Variants in MRE11 observed in about 807,000 individuals in gnomAD.
MRE11 encodes double-strand break repair protein MRE11.
Under a neutral mutation model 91.7 loss-of-function variants are expected in MRE11, and 62 were observed. That is an observed-to-expected ratio of 0.68 (90% CI 0.55 to 0.84). MRE11 has a LOEUF of 0.84. Ranked by LOEUF, MRE11 falls within the 40% of genes least tolerant of loss-of-function variation. The probability of loss-of-function intolerance (pLI) is 0.00; values close to 1 mark genes in which losing one functional copy is unlikely to be tolerated. For synonymous variants in MRE11, 273 were observed against 271.4 expected (o/e 1.01, Z -0.06); for missense variants, 796 against 852.9 (o/e 0.93, Z 0.83).
intron 4 of MRE11, among the ~76,000 whole-genome samples, chr11:94,485,014 C>A (rs1947102854): frequency 6.6e-6 from 1 of 152,174 alleles, no homozygotes; most frequent in South Asian, 2.1e-4. Context: ...GAGTTCAAGA[C>A]CAGCCTGGCC....
intron 2 of MRE11, among the ~76,000 whole-genome samples, chr11:94,491,527 G>T (rs1947282202): frequency 6.6e-6 from 1 of 152,172 alleles, no homozygotes; most frequent in Non-Finnish European, 1.5e-5. Flanking sequence ...TTAATGTGAA[G>T]TAGCAATGTA....
intron 19 of MRE11, among the ~76,000 whole-genome samples, chr11:94,429,092 T>C (rs575365690): frequency 6.6e-6 from 1 of 152,238 alleles, no homozygotes; most frequent in African/African-American, 2.4e-5. Context: ...AAACAAAAAG[T>C]GCTTATCATC....
intron 19 of MRE11, among the ~76,000 whole-genome samples, chr11:94,428,933 C>T (rs1945393898): frequency 6.6e-6 from 1 of 150,530 alleles, no homozygotes; most frequent in Non-Finnish European, 1.5e-5. Flanking sequence ...AAAATATTCA[C>T]AAAATACGTA....
At chr11:94,444,316 G>A (rs1263871203) in intron 16 of MRE11, among the ~76,000 whole-genome samples, 1 of 152,074 alleles carries the variant, frequency 6.6e-6, no homozygotes, top group African/African-American at 2.4e-5. Flanking sequence ...GCATGTTATG[G>A]CCAATTTAGT....
At position 94,471,768 on chromosome 11, in the gene MRE11, A is replaced by G; in HGVS notation, c.660-9T>C. The G allele has an allele frequency of 6.2e-7, 1 of 1,604,550 alleles. No homozygotes were observed. The highest frequency in any genetic ancestry group is 8.5e-7 in the Non-Finnish European group (1 of 1,173,440). On this transcript the variant is annotated splice_polypyrimidine_tract_variant and intron_variant, in intron 7 of 19. Transcript: ENST00000323929. ...TACTTCCATGTTTACTCCTGTATCA[A>G]GATTTTGAAAAATATAAATTCGGTG...
chr11:94,473,201 G>C (rs928009746), intron 7 of MRE11: 1 of 152,100 alleles, frequency 6.6e-6, no homozygotes, highest in Non-Finnish European at 1.5e-5. Context: ...AGAATATACA[G>C]GCTTGTGTAT....
At chr11:94,423,948 C>T (rs663530) in intron 19 of MRE11, among the ~76,000 whole-genome samples, 35,905 of 152,112 alleles carry the variant, frequency 0.24, 4,427 homozygotes, top group East Asian at 0.32. Context: ...CCTTCCTCCA[C>T]AGTGCTGGTC....
intron 11 of MRE11, among the ~76,000 whole-genome samples, chr11:94,463,635 C>T (rs1179587441): frequency 2.6e-5 from 4 of 152,082 alleles, no homozygotes; most frequent in Admixed American, 6.5e-5. Flanking sequence ...TTTGTAGGGA[C>T]ATGGATGAAG....
chr11:94,508,539 A>ACACACACTAC, the MRE11 span, among the ~76,000 whole-genome samples: 1 of 152,212 alleles, frequency 6.6e-6, no homozygotes, highest in Non-Finnish European at 1.5e-5. Context: ...ACACAAACAC[A>ACACACACTAC]CACACACTAC....
the MRE11 span, among the ~76,000 whole-genome samples, chr11:94,511,979 T>G: frequency 5.3e-5 from 8 of 152,376 alleles, no homozygotes; most frequent in East Asian, 1.5e-3. Flanking sequence ...AACGTGAAAG[T>G]TGGGAATCCT....
At chr11:94,476,263 C>G (rs1321173154) in intron 7 of MRE11, 26 bp downstream of exon 7, 1 of 1,524,800 alleles carries the variant, frequency 6.6e-7, no homozygotes, top group Non-Finnish European at 9.1e-7. Context: ...GCACTTGGCT[C>G]AAACTTTTTC....
At chr11:94,447,586 T>C (rs1945972917) in intron 14 of MRE11, 148 bp from the exon 15 acceptor site, 2 of 795,132 alleles carry the variant, frequency 2.5e-6, no homozygotes, top group Non-Finnish European at 4.0e-6. Flanking sequence ...CTCAGCACTT[T>C]GGGAGGCCGA....
At chr11:94,421,081 T>A (rs913769729) in intron 19 of MRE11, among the ~76,000 whole-genome samples, 3 of 151,808 alleles carry the variant, frequency 2.0e-5, no homozygotes, top group Admixed American at 6.6e-5. Context: ...ATTGTATGCA[T>A]GGTAAGAATA....
rs201577466 is a variant in MRE11 at position 94,442,731 on chromosome 11, G to C, written c.1867+3079C>G. ...ATCTTCAGAATAACCCAATACAATA[G>C]AGATTATTATTTCCAATCATATCTA... On this transcript the variant is annotated intron_variant, in intron 16 of 19. Transcript: ENST00000323929. Among the ~76,000 whole-genome samples the C allele has an allele frequency of 7.2e-5, 11 of 152,246 alleles. No homozygotes were observed. The East Asian group carries it at 2.1e-3, about 29-fold the overall frequency.
In MRE11 at chr11:94,491,825, C is replaced by T. The variant is rs13447589; in HGVS notation, c.21-860G>A. ...TACAAACAAAAGATATTTCCACAAACGATTTCTCTTCAAAAACTTCAAAAA... is the reference window on the plus strand; with the variant it reads ...TACAAACAAAAGATATTTCCACAAATGATTTCTCTTCAAAAACTTCAAAAA... On this transcript the variant is annotated intron_variant, in intron 2 of 19. Transcript: ENST00000323929. 1.5e-3 allele frequency among the ~76,000 whole-genome samples: 221 copies of T among 152,258 alleles called. 1 individual carries two copies. The East Asian group carries it at 0.026, about 18-fold the overall frequency.
At chr11:94,441,599 T>C (rs981435023) in intron 16 of MRE11, among the ~76,000 whole-genome samples, 2 of 152,168 alleles carry the variant, frequency 1.3e-5, no homozygotes, top group Non-Finnish European at 2.9e-5. Context: ...GTCCTTACTG[T>C]GTACACACGA....
chr11:94,457,679 T>C (rs1946288899), intron 13 of MRE11, among the ~76,000 whole-genome samples: 2 of 152,138 alleles, frequency 1.3e-5, no homozygotes, highest in South Asian at 4.1e-4. Flanking sequence ...GGATTAATTC[T>C]TCTAATCCTT....
At chr11:94,511,174 G>A in the MRE11 span, among the ~76,000 whole-genome samples, 9 of 150,070 alleles carry the variant, frequency 6.0e-5, no homozygotes, top group Non-Finnish European at 1.2e-4. Flanking sequence ...ATTGCCTCTC[G>A]CTCTCTCTCT....
chr11:94,490,877 A>T lies in MRE11; in HGVS notation c.109T>A (p.Phe37Ile), dbSNP rs781084066. 6.2e-7 allele frequency: 1 copy of T among 1,613,246 alleles called. No homozygotes were observed. The highest frequency in any genetic ancestry group is 8.5e-7 in the Non-Finnish European group (1 of 1,179,452). The change falls in exon 3 of 20, where the codon TTT becomes ATT. Residue 37 changes from phenylalanine (F) to isoleucine (I), a missense_variant. Physicochemically the swap from Phe to Ile is conservative, Grantham distance 21. Coordinates refer to ENST00000323929, the MANE Select transcript of MRE11 (RefSeq NM_005591.4). ...CTTAAAATTTCATCGAGTGTTACAA[A>T]CGTATCATTTCCTCTGACTGCATCT... is the stretch of plus-strand genomic sequence containing the variant. ...EKDAVRGNDT[F>I]VTLDEILRLA...
Sources: gnomAD v4.1 joint callset for allele counts (sites outside exome capture counted in the v4.1 genomes callset) on GRCh38, gnomAD v4.1.1 for gene constraint, MANE v1.5 for transcripts, NCBI Gene and HGNC (gene_info 2026-07-23, HGNC 2026-07-21) for gene names.